SEZ6: variants seen among roughly 807,000 people sequenced by gnomAD.
The protein encoded by SEZ6 is seizure related 6 homolog, also known as seizure protein 6 homolog.
Under a neutral mutation model 101.0 loss-of-function variants are expected in SEZ6, and 53 were observed. The ratio of observed to expected loss-of-function variants is 0.52; its 90% confidence interval spans 0.42 to 0.66. The LOEUF (loss-of-function observed/expected upper bound fraction) is 0.66, where lower values mean the gene tolerates loss of function less well. Among genes scored for constraint, SEZ6 ranks in the 30% least tolerant of loss-of-function variants. The pLI, the probability that SEZ6 is intolerant of heterozygous loss-of-function variation, is 0.00. For synonymous variants in SEZ6, 488 were observed against 512.2 expected, an observed-to-expected ratio of 0.95 and a Z score of 0.64; for missense variants, 1,102 against 1,289.4, an observed-to-expected ratio of 0.85 and a Z score of 2.23.
intron 3 of SEZ6, 127 bp downstream of exon 3, chr17:28,979,553 T>G (rs539092368): frequency 2.2e-6 from 3 of 1,383,918 alleles, no homozygotes; most frequent in Non-Finnish European, 3.0e-6. Context: ...CTCCCAGCCC[T>G]GGCCTTAGGC....
intron 3 of SEZ6, among the ~76,000 whole-genome samples, chr17:28,974,107 CCAG>C (rs996545668): frequency 2.6e-5 from 4 of 152,224 alleles, no homozygotes; most frequent in Admixed American, 1.3e-4. Context: ...AGTCAGGCCT[CCAG>C]CACGTGCCCT....
intron 1 of SEZ6, among the ~76,000 whole-genome samples, chr17:29,003,441 G>A (rs945901826): frequency 6.6e-6 from 1 of 152,240 alleles, no homozygotes; most frequent in African/African-American, 2.4e-5. Flanking sequence ...AGGCATCTGG[G>A]CCGTGCCTGG....
chr17:28,957,073 C>T lies in SEZ6; in HGVS notation c.2664G>A (p.Trp888Ter). The T allele has an allele frequency of 1.9e-6, 3 of 1,605,034 alleles. No individual in the cohort carries two copies. The highest frequency in any genetic ancestry group is 2.6e-6 in the Non-Finnish European group (3 of 1,173,938). ...IKCVPGHPSH[W>*]SDPPPICRAA... Reference sequence around the variant, plus strand: ...CCCTACAGATGGGTGGGGGGTCACTCCAATGCGAGGGGTGCCCAGGCACAC... The same window carrying T: ...CCCTACAGATGGGTGGGGGGTCACTTCAATGCGAGGGGTGCCCAGGCACAC... The change falls in exon 13 of 17, where the codon TGG (tryptophan) becomes TGA (stop). Residue 888 changes from tryptophan to a stop codon, truncating the protein, a stop_gained. Coordinates refer to ENST00000317338, the MANE Select transcript of SEZ6 (RefSeq NM_178860.5). LOFTEE classifies it high-confidence loss of function.
At chr17:29,002,524 G>T (rs1453674716) in intron 1 of SEZ6, among the ~76,000 whole-genome samples, 2 of 152,190 alleles carry the variant, frequency 1.3e-5, no homozygotes, top group African/African-American at 4.8e-5. Flanking sequence ...CCTGTCCATG[G>T]CAGTCTCTGG....
intron 3 of SEZ6, among the ~76,000 whole-genome samples, chr17:28,978,389 C>A (rs1391450924): frequency 6.6e-6 from 1 of 152,244 alleles, no homozygotes; most frequent in African/African-American, 2.4e-5. Flanking sequence ...AGCTCACAGT[C>A]TAGCTGGGGA....
chr17:28,985,205 T>C (rs1393437621), intron 1 of SEZ6, among the ~76,000 whole-genome samples: 1 of 152,172 alleles, frequency 6.6e-6, no homozygotes, highest in Non-Finnish European at 1.5e-5. Context: ...CTCCAGCCAG[T>C]TGAAGAAACT....
At chr17:28,974,588 C>T (rs193179685) in intron 3 of SEZ6, among the ~76,000 whole-genome samples, 3 of 152,166 alleles carry the variant, frequency 2.0e-5, no homozygotes, top group African/African-American at 4.8e-5. Flanking sequence ...GATAAGGGAA[C>T]CTTGTAATCA....
intron 1 of SEZ6, among the ~76,000 whole-genome samples, chr17:29,002,447 G>A (rs2041627632): frequency 1.3e-5 from 2 of 152,168 alleles, no homozygotes; most frequent in Non-Finnish European, 2.9e-5. Flanking sequence ...TGCTGAGGAG[G>A]CCAGGATGGC....
chr17:28,997,347 C>A (rs955658245), intron 1 of SEZ6, among the ~76,000 whole-genome samples: 7 of 152,200 alleles, frequency 4.6e-5, no homozygotes, highest in Non-Finnish European at 7.3e-5. Context: ...AATAGGGCTT[C>A]ATGACAAGAG....
intron 1 of SEZ6, among the ~76,000 whole-genome samples, chr17:28,987,566 G>A (rs2041400983): frequency 6.6e-6 from 1 of 152,106 alleles, no homozygotes; most frequent in Non-Finnish European, 1.5e-5. Flanking sequence ...GACAGATAAG[G>A]AAAGCAAGGC....
chr17:28,991,662 C>T (rs997787849), intron 1 of SEZ6, among the ~76,000 whole-genome samples: 1 of 152,132 alleles, frequency 6.6e-6, no homozygotes, highest in African/African-American at 2.4e-5. Flanking sequence ...TGTCTGCTCC[C>T]CTCCTTTCGG....
chr17:28,998,528 C>A (rs1008622977), intron 1 of SEZ6, among the ~76,000 whole-genome samples: 2 of 152,074 alleles, frequency 1.3e-5, no homozygotes, highest in African/African-American at 4.8e-5. Flanking sequence ...CCCCTTCTTT[C>A]CCCACCACAA....
At chr17:28,992,103 T>C (rs573244641) in intron 1 of SEZ6, among the ~76,000 whole-genome samples, 18 of 152,334 alleles carry the variant, frequency 1.2e-4, no homozygotes, top group Middle Eastern at 3.4e-3. Context: ...GGCACTCACA[T>C]TTACTGAGCA....
At chr17:28,974,784 G>A (rs184636815) in intron 3 of SEZ6, among the ~76,000 whole-genome samples, 1 of 152,348 alleles carries the variant, frequency 6.6e-6, no homozygotes, top group Admixed American at 6.5e-5. Flanking sequence ...CTGGGAAAGG[G>A]CATCTGGGGC....
chr17:28,960,856 T>C lies in SEZ6; in HGVS notation c.1358A>G (p.Gln453Arg), dbSNP rs760279617. The part of the protein sequence containing the change: ...CHWLLEAPEG[Q>R]RLHLHFEKVS... The stretch of plus-strand genomic sequence containing the variant: ...CTTCTCAAAGTGCAGGTGTAGCCGC[T>C]GGCCCTCAGGAGCCTCAAGCAGCCA... Residue 453 changes from glutamine (Q) to arginine (R), a missense_variant, in exon 6 of 17, where the codon CAG (glutamine) becomes CGG (arginine). This residue lies in a region of SEZ6 where 556 missense variants were observed against 735.1 expected (regional missense o/e 0.76). Transcript: ENST00000317338. The C allele has an allele frequency of 2.5e-6, 4 of 1,613,862 alleles. No homozygotes were observed. Among genetic ancestry groups the C allele is most frequent in the Non-Finnish European group, 3.4e-6 (4 of 1,179,870 alleles).
intron 1 of SEZ6, among the ~76,000 whole-genome samples, chr17:29,001,222 C>G (rs1283423465): frequency 1.3e-5 from 2 of 152,216 alleles, no homozygotes; most frequent in African/African-American, 4.8e-5. Context: ...CATAGGCCCG[C>G]CTCCCCTTTC....
intron 3 of SEZ6, among the ~76,000 whole-genome samples, chr17:28,977,157 C>G (rs2041231942): frequency 6.6e-6 from 1 of 152,230 alleles, no homozygotes; most frequent in Non-Finnish European, 1.5e-5. Flanking sequence ...TTTTCCAACT[C>G]TCCAGTGGGT....
At chr17:28,979,317 TG>T (rs1173422985) in intron 3 of SEZ6, among the ~76,000 whole-genome samples, 1 of 152,190 alleles carries the variant, frequency 6.6e-6, no homozygotes, top group African/African-American at 2.4e-5. Flanking sequence ...CCAGAGGAAC[TG>T]CTCAGAGAGG....
At chr17:28,982,113 G>A (rs1384531146) in intron 1 of SEZ6, 74 bp from the exon 2 acceptor site, 22 of 1,476,580 alleles carry the variant, frequency 1.5e-5, no homozygotes, top group African/African-American at 1.1e-4. Context: ...TCGAGTAGTG[G>A]GGGGGCCCGC....
Sources: allele counts gnomAD v4.1 joint callset (sites outside exome capture counted in the v4.1 genomes callset), GRCh38; gene constraint gnomAD v4.1.1; regional missense constraint gnomAD v4.1.1; transcripts MANE v1.5; gene names NCBI Gene and HGNC (gene_info 2026-07-23, HGNC 2026-07-21).